The following KLHL41 variants were observed in gnomAD, a reference collection of about 807,000 sequenced individuals.
The protein encoded by KLHL41 is kelch like family member 41, also known as kelch-like protein 41.
A neutral mutation model predicts 49.2 loss-of-function variants in KLHL41; 31 were observed. The observed-to-expected ratio is 0.63, with a 90% CI of 0.47 to 0.85. The LOEUF is 0.85. Among genes scored for constraint, KLHL41 ranks in the 40% least tolerant of loss-of-function variants. The pLI is 0.00. For missense variants in KLHL41, 663 were observed against 726.7 expected, an observed-to-expected ratio of 0.91 and a Z score of 1.01; for synonymous variants, 218 against 258.5, an observed-to-expected ratio of 0.84 and a Z score of 1.50.
At chr2:169,521,999 GAA>G (rs550531775) in intron 5 of KLHL41, among the ~76,000 whole-genome samples, 1 of 112,264 alleles carries the variant, frequency 8.9e-6, no homozygotes. Flanking sequence ...AGTCTTAAAA[GAA>G]AAAAAAAAAA....
In KLHL41 at chr2:169,510,317, T is replaced by C. The variant is rs1188516468; in HGVS notation, c.539T>C (p.Ile180Thr). 1.9e-6 allele frequency: 3 copies of C among 1,614,106 alleles called. No homozygotes were observed. The Admixed American group carries it at 5.0e-5, about 27-fold the overall frequency. Residue 180 changes from isoleucine to threonine, a missense_variant, in exon 1 of 6, where the codon ATC (isoleucine) becomes ACC (threonine). Physicochemically the swap from Ile to Thr is moderately conservative, Grantham distance 89. Coordinates refer to ENST00000284669, the MANE Select transcript of KLHL41 (RefSeq NM_006063.3). The surrounding 1 kb of genome is among the most constrained non-coding windows in gnomAD (Gnocchi z 4.2). Reference sequence around the variant, plus strand: ...ATGCAACTGTCTCCACAGGAACTGATCTCAGTCATTTCAAATGACAGCCTA... The same window carrying C: ...ATGCAACTGTCTCCACAGGAACTGACCTCAGTCATTTCAAATGACAGCCTA... ...DFMQLSPQEL[I>T]SVISNDSLNV...
chr2:169,517,408 G>C (rs1233807458), intron 3 of KLHL41, among the ~76,000 whole-genome samples: 1 of 152,212 alleles, frequency 6.6e-6, no homozygotes, highest in African/African-American at 2.4e-5. Flanking sequence ...TTCGAGACCA[G>C]CCTGGCCAAC....
intron 1 of KLHL41, chr2:169,514,297 A>T: frequency 3.5e-6 from 1 of 287,852 alleles, no homozygotes; most frequent in Non-Finnish European, 6.4e-6. Context: ...AAGAAACCTC[A>T]CAGTTGTAAT....
chr2:169,513,391 A>G (rs1478825432), intron 1 of KLHL41, among the ~76,000 whole-genome samples: 1 of 152,230 alleles, frequency 6.6e-6, no homozygotes, highest in African/African-American at 2.4e-5. Flanking sequence ...AACCCCATAA[A>G]TGTTCATTAT....
intron 3 of KLHL41, among the ~76,000 whole-genome samples, chr2:169,515,401 G>GA (rs1684102067): frequency 6.6e-6 from 1 of 152,060 alleles, no homozygotes; most frequent in African/African-American, 2.4e-5. Flanking sequence ...ATTGTGGAGG[G>GA]AAAATCTTAA....
rs561519293 is a variant in KLHL41, at chr2:169,510,617, G to A, written c.839G>A (p.Gly280Asp). 6.2e-6 allele frequency: 10 copies of A among 1,614,156 alleles called. No homozygotes were observed. In the South Asian group the frequency reaches 1.1e-4, roughly 18 times the overall value. The change falls in exon 1 of 6, where the codon GGT becomes GAT. Residue 280 changes from glycine (G) to aspartate (D), a missense_variant. Coordinates refer to ENST00000284669, the MANE Select transcript of KLHL41 (RefSeq NM_006063.3). The surrounding 1 kb of genome is among the most constrained non-coding windows in gnomAD (Gnocchi z 4.2). ...AAGACTGGGGCTGGTGAGGTGAATG[G>A]TGATGTTGGTGATGAAGATTTACTT... The part of the protein sequence containing the change: ...AAKTGAGEVN[G>D]DVGDEDLLPG...
chr2:169,518,033 G>T (rs987799420), intron 3 of KLHL41, among the ~76,000 whole-genome samples, 157 bp from the exon 4 acceptor site: 1 of 152,076 alleles, frequency 6.6e-6, no homozygotes, highest in Non-Finnish European at 1.5e-5. Flanking sequence ...CCCCACATTT[G>T]GGCTTGTCCT....
chr2:169,509,810 T>C lies in KLHL41; in HGVS notation c.32T>C (p.Leu11Pro). ...TCCCAGCGGGAACTTGCAGAGGAAC[T>C]GCGGCTTTACCAATCCACCCTTCTT... The part of the protein sequence containing the change: MDSQRELAEE[L>P]RLYQSTLLQD... The change falls in exon 1 of 6, where the codon CTG becomes CCG. Residue 11 changes from leucine to proline, a missense_variant. Leu to Pro is a moderately conservative substitution (Grantham distance 98). This residue lies in a region of KLHL41 where 129 missense variants were observed against 122.1 expected (regional missense o/e 1.06). Transcript: ENST00000284669. 6.2e-7 allele frequency: 1 copy of C among 1,612,978 alleles called. No homozygotes were observed. Among genetic ancestry groups the C allele is most frequent in the East Asian group, 2.2e-5 (1 of 44,882 alleles).
chr2:169,524,913 G>A (rs538135985), intron 5 of KLHL41, among the ~76,000 whole-genome samples: 4 of 152,198 alleles, frequency 2.6e-5, no homozygotes, highest in African/African-American at 7.2e-5. Flanking sequence ...GAGAGAAGGC[G>A]GCATTTAGAA....
Position 169,514,955 on chromosome 2 carries a change from A to G in KLHL41, c.1370A>G (p.Asp457Gly), listed in dbSNP as rs551787870. 6 of 1,576,070 alleles carry G rather than the reference A, an allele frequency of 3.8e-6. No homozygotes were observed. The Admixed American group carries it at 5.2e-5, about 14-fold the overall frequency. The change falls in exon 3 of 6, where the codon GAT becomes GGT. Residue 457 changes from aspartate to glycine, a missense_variant. Physicochemically the swap from Asp to Gly is moderately conservative, Grantham distance 94 (BLOSUM62 -1). Coordinates refer to ENST00000284669, the MANE Select transcript of KLHL41 (RefSeq NM_006063.3). ...GMIYCLGGKT[D>G]DKKCTNRVFI... Reference sequence around the variant, plus strand: ...ATATATTGTCTAGGAGGAAAGACAGATGACAAGTAAGTACCCTGAACTCTC... The same window carrying G: ...ATATATTGTCTAGGAGGAAAGACAGGTGACAAGTAAGTACCCTGAACTCTC...
rs1424792561 is a variant in KLHL41, at chr2:169,524,804, G to T, written c.1710-781G>T. On this transcript the variant is annotated intron_variant, in intron 5 of 5. Coordinates refer to ENST00000284669, the MANE Select transcript of KLHL41 (RefSeq NM_006063.3). ...CTTGAGGACATTGATATGGGGGGGG[G>T]AATTAAAATGGAGTGATAATTGCTA... is the stretch of plus-strand genomic sequence containing the variant. Among the ~76,000 whole-genome samples, 3 of 151,956 alleles carry T rather than the reference G, an allele frequency of 2.0e-5. No homozygotes were observed. In the East Asian group the frequency reaches 5.8e-4, roughly 29 times the overall value.
chr2:169,519,181 G>C (rs970723409), intron 4 of KLHL41, among the ~76,000 whole-genome samples: 1 of 152,102 alleles, frequency 6.6e-6, no homozygotes, highest in Non-Finnish European at 1.5e-5. Context: ...TTGACTTAAT[G>C]TGAAAAGATA....
At chr2:169,512,294 A>G (rs1160746725) in intron 1 of KLHL41, among the ~76,000 whole-genome samples, 1 of 152,184 alleles carries the variant, frequency 6.6e-6, no homozygotes. Context: ...AAACGTCAAA[A>G]GTGGCAAAGT....
chr2:169,520,204 G>A (rs1347856438), intron 4 of KLHL41, among the ~76,000 whole-genome samples: 1 of 83,268 alleles, frequency 1.2e-5, no homozygotes, highest in African/African-American at 4.8e-5. Context: ...GTGTGTGTGT[G>A]TGTGTAGACA....
chr2:169,516,994 A>C (rs766618962), intron 3 of KLHL41, among the ~76,000 whole-genome samples: 2 of 152,200 alleles, frequency 1.3e-5, no homozygotes, highest in Non-Finnish European at 2.9e-5. Flanking sequence ...CCTGGGCAAC[A>C]AGAGCGAAAC....
At chr2:169,521,422 G>C (rs963435194) in intron 5 of KLHL41, among the ~76,000 whole-genome samples, 2 of 152,186 alleles carry the variant, frequency 1.3e-5, no homozygotes, top group Middle Eastern at 3.4e-3. Context: ...TTTTGAGACA[G>C]AGTTTCTGTC....
At chr2:169,520,251 G>A (rs1285797362) in intron 4 of KLHL41, among the ~76,000 whole-genome samples, 2 of 132,560 alleles carry the variant, frequency 1.5e-5, no homozygotes, top group Non-Finnish European at 3.1e-5. Context: ...CATACTCCTT[G>A]GGCTCAAGCT....
Position 169,510,972 on chromosome 2 carries a change from A to T in KLHL41, c.1110+84A>T, listed in dbSNP as rs1023535195. 1.7e-6 allele frequency: 2 copies of T among 1,189,938 alleles called. No homozygotes were observed. Among genetic ancestry groups the T allele is most frequent in the Non-Finnish European group, 2.4e-6 (2 of 833,962 alleles). The allele number at this position is 1,189,938 out of a possible 1,614,324, so 73.7% of individuals were successfully genotyped here. Reference sequence around the variant, plus strand: ...AGTTAGCCAATTTGTGAATTATTCAAGCTGCTTGCATTTTACTCTAATTGA... The same window carrying T: ...AGTTAGCCAATTTGTGAATTATTCATGCTGCTTGCATTTTACTCTAATTGA... On this transcript the variant is annotated intron_variant, in intron 1 of 5. Transcript: ENST00000284669. The surrounding 1 kb of genome is among the most constrained non-coding windows in gnomAD (Gnocchi z 4.2).
At chr2:169,511,586 ATC>A (rs1194348717) in intron 1 of KLHL41, among the ~76,000 whole-genome samples, 1 of 152,078 alleles carries the variant, frequency 6.6e-6, no homozygotes, top group Non-Finnish European at 1.5e-5. Flanking sequence ...GTAGCACTTC[ATC>A]TCTTATTTAT....
Sources: gnomAD v4.1 joint callset for allele counts (sites outside exome capture counted in the v4.1 genomes callset) on GRCh38, gnomAD v4.1.1 for gene constraint, gnomAD v4.1.1 regional missense constraint, Gnocchi (gnomAD v3.1) non-coding constraint, MANE v1.5 for transcripts, NCBI Gene and HGNC (gene_info 2026-07-23, HGNC 2026-07-21) for gene names.